The following USP34 variants were observed in gnomAD, a reference collection of about 807,000 sequenced individuals.
USP34 encodes the protein ubiquitin specific peptidase 34, also known as ubiquitin carboxyl-terminal hydrolase 34.
USP34 carries 70 observed loss-of-function variants against 460.3 expected under a neutral mutation model. The observed-to-expected ratio is 0.15, with a 90% CI of 0.13 to 0.19. The LOEUF is 0.19. Ranked by LOEUF, USP34 falls within the 10% of genes least tolerant of loss-of-function variation. USP34 has a pLI of 1.00. For missense variants in USP34, 3,985 were observed against 4,236.2 expected, an observed-to-expected ratio of 0.94 and a Z score of 1.65; for synonymous variants, 1,647 against 1,405.3, an observed-to-expected ratio of 1.17 and a Z score of -3.85.
chr2:61,455,524 A>T (rs1032776185), intron 1 of USP34, among the ~76,000 whole-genome samples: 1 of 152,112 alleles, frequency 6.6e-6, no homozygotes, highest in Non-Finnish European at 1.5e-5. Context: ...CTGTAATCCC[A>T]GGTAACATGA....
intron 41 of USP34, among the ~76,000 whole-genome samples, chr2:61,277,488 C>G (rs1338623231): frequency 6.6e-6 from 1 of 152,146 alleles, no homozygotes; most frequent in Non-Finnish European, 1.5e-5. Flanking sequence ...CCACCTACCT[C>G]AGCCACTCAA....
At chr2:61,231,038 T>C (rs13425459) in intron 58 of USP34, among the ~76,000 whole-genome samples, 25,888 of 152,126 alleles carry the variant, frequency 0.17, 2,837 homozygotes, top group African/African-American at 0.3. Flanking sequence ...GTGGACTATA[T>C]ACATTTGACA....
chr2:61,188,058 G>T lies in USP34; in HGVS notation c.*44C>A. 3 of 1,575,024 alleles carry T rather than the reference G, an allele frequency of 1.9e-6. No homozygotes were observed. The highest frequency in any genetic ancestry group is 2.2e-5 in the East Asian group (1 of 44,578). On this transcript the variant is annotated 3_prime_UTR_variant, in exon 80 of 80. Coordinates refer to ENST00000398571, the MANE Select transcript of USP34 (RefSeq NM_014709.4). ...GCAAAACTTATACAAACAGCATGGG[G>T]GTTGGGGGTGAGGGACTTAAAAGTA...
At position 61,199,064 on chromosome 2, in the gene USP34, T is replaced by C. The variant is rs548726832; in HGVS notation, c.9508+4076A>G. 3.3e-5 allele frequency among the ~76,000 whole-genome samples: 5 copies of C among 152,338 alleles called. No individual in the cohort carries two copies. In the South Asian group the frequency reaches 1.0e-3, roughly 32 times the overall value. On this transcript the variant is annotated intron_variant, in intron 75 of 79. Coordinates refer to ENST00000398571, the MANE Select transcript of USP34 (RefSeq NM_014709.4). ...TTAAGTATGCAAACATTTTCCCAAT[T>C]AGCTGTTTGTGTTTTAATTCAGTTT...
intron 48 of USP34, among the ~76,000 whole-genome samples, chr2:61,248,996 A>G (rs1331003248): frequency 6.6e-6 from 1 of 152,232 alleles, no homozygotes; most frequent in Non-Finnish European, 1.5e-5. Flanking sequence ...ACTGTTCACA[A>G]TTTCACAGAT....
Position 61,248,582 on chromosome 2 carries a change from G to T in USP34, c.6323C>A (p.Ser2108Tyr). The change falls in exon 49 of 80, where the codon TCC becomes TAC. Residue 2108 changes from serine to tyrosine, a missense_variant. Physicochemically the swap from Ser to Tyr is moderately radical, Grantham distance 144 (BLOSUM62 -2). Around this residue, in one of 14 missense-constraint regions of USP34, gnomAD observed 145 missense variants for 291.6 expected, o/e 0.50. Coordinates refer to ENST00000398571, the MANE Select transcript of USP34 (RefSeq NM_014709.4). ...CGTCATGTCCAAACGTAATGGGAAG[G>T]AAAAGTGTGTATTCACTTTCTCTTT... ...MMKEKVNTHF[S>Y]FPLRLDMTPY... 1 of 1,608,526 alleles carries T rather than the reference G, an allele frequency of 6.2e-7. No individual in the cohort carries two copies. Among genetic ancestry groups the T allele is most frequent in the Non-Finnish European group, 8.5e-7 (1 of 1,176,318 alleles).
chr2:61,324,643 T>G (rs1046724565), intron 21 of USP34, among the ~76,000 whole-genome samples: 1 of 151,908 alleles, frequency 6.6e-6, no homozygotes, highest in African/African-American at 2.4e-5. Flanking sequence ...GCTATGGTGG[T>G]GCATAGTCCC....
chr2:61,261,681 A>C (rs1428885782), intron 43 of USP34, among the ~76,000 whole-genome samples: 1 of 152,222 alleles, frequency 6.6e-6, no homozygotes, highest in Non-Finnish European at 1.5e-5. Flanking sequence ...CCACAATTAG[A>C]ATATATGTAG....
rs891957560 is a variant in USP34 at position 61,220,348 on chromosome 2, C to T, written c.8009G>A (p.Arg2670Gln). The T allele has an allele frequency of 5.6e-6, 9 of 1,613,582 alleles. No homozygotes were observed. Among genetic ancestry groups the T allele is most frequent in the East Asian group, 2.2e-5 (1 of 44,850 alleles). ...AGGATAATTGTGAGCCAAAAGAAAC[C>T]GCTCGACCCAGTTTTCCATATTCTG... ...VLQNMENWVERFLLAHNYPRV... is the reference protein window; with the variant it reads ...VLQNMENWVEQFLLAHNYPRV... The change falls in exon 67 of 80, where the codon CGG (arginine) becomes CAG (glutamine). Residue 2670 changes from arginine to glutamine, a missense_variant. Transcript: ENST00000398571.
chr2:61,210,413 A>C (rs760963097), intron 69 of USP34, among the ~76,000 whole-genome samples: 3 of 152,238 alleles, frequency 2.0e-5, no homozygotes, highest in Non-Finnish European at 4.4e-5. Flanking sequence ...AACATGCTAT[A>C]CAGATTTAGA....
intron 3 of USP34, among the ~76,000 whole-genome samples, chr2:61,404,884 C>T (rs1008635175): frequency 1.1e-4 from 16 of 152,024 alleles, no homozygotes; most frequent in African/African-American, 3.1e-4. Context: ...CTTAGAAATG[C>T]TTGCAAAAAC....
In USP34 at chr2:61,266,003, A is replaced by C; in HGVS notation, c.5598T>G (p.Val1866=). Residue 1866 remains valine, a synonymous_variant, in exon 42 of 80, where the codon GTT becomes GTG. Transcript: ENST00000398571. ...GCTTACACTGCATGTGTTGTGCCATAACCCAGTTGTGTATTAGCCTGTAGT... is the reference window on the plus strand; with the variant it reads ...GCTTACACTGCATGTGTTGTGCCATCACCCAGTTGTGTATTAGCCTGTAGT... ...VENYRLIHNW[V]MAQHMQSHAP... 1 of 1,609,126 alleles carries C rather than the reference A, an allele frequency of 6.2e-7. No individual in the cohort carries two copies.
chr2:61,307,920 G>A (rs1572920176), intron 27 of USP34, among the ~76,000 whole-genome samples: 1 of 152,038 alleles, frequency 6.6e-6, no homozygotes, highest in Non-Finnish European at 1.5e-5. Flanking sequence ...ATGATGGCCG[G>A]CACCTGTAGT....
chr2:61,379,248 G>A (rs1692900147), intron 7 of USP34, among the ~76,000 whole-genome samples: 1 of 152,200 alleles, frequency 6.6e-6, no homozygotes, highest in African/African-American at 2.4e-5. Context: ...GCCAGGTGGG[G>A]TGGCTCACGC....
At chr2:61,285,483 T>C (rs1261665917) in intron 34 of USP34, among the ~76,000 whole-genome samples, 1 of 74,798 alleles carries the variant, frequency 1.3e-5, no homozygotes, top group Non-Finnish European at 2.8e-5. Context: ...TGAGAATCTG[T>C]CTCAAAAAAA....
At position 61,420,774 on chromosome 2, in the gene USP34, A is replaced by T. The variant is rs867736028; in HGVS notation, c.103T>A (p.Phe35Ile). Residue 35 changes from phenylalanine to isoleucine, a missense_variant, in exon 2 of 80, where the codon TTT becomes ATT. Around this residue, in one of 14 missense-constraint regions of USP34, gnomAD observed 331 missense variants for 293.7 expected, o/e 1.13. Coordinates refer to ENST00000398571, the MANE Select transcript of USP34 (RefSeq NM_014709.4). Reference sequence around the variant, plus strand: ...TGTGTCCAGGAATTGATATAAGTAAATATTTTGAGAGTATGTTCCTTTCTG... The same window carrying T: ...TGTGTCCAGGAATTGATATAAGTAATTATTTTGAGAGTATGTTCCTTTCTG... ...QLRKEHTLKI[F>I]TYINSWTQRQ... 1 of 1,611,090 alleles carries T rather than the reference A, an allele frequency of 6.2e-7. No homozygotes were observed. Among genetic ancestry groups the T allele is most frequent in the Admixed American group, 1.7e-5 (1 of 59,700 alleles).
At chr2:61,239,056 C>G (rs1189660718) in intron 53 of USP34, among the ~76,000 whole-genome samples, 2 of 151,648 alleles carry the variant, frequency 1.3e-5, no homozygotes, top group Non-Finnish European at 2.9e-5. Flanking sequence ...CAGGGTACCA[C>G]GAACTACACC....
chr2:61,209,285 G>A (rs2103781417), intron 69 of USP34, among the ~76,000 whole-genome samples: 1 of 152,262 alleles, frequency 6.6e-6, no homozygotes, highest in South Asian at 2.1e-4. Flanking sequence ...TCTTCTGATT[G>A]TTAAATTCTG....
At chr2:61,348,908 T>A (rs566147504) in intron 13 of USP34, 22 bp from the exon 14 acceptor site, 2 of 1,585,482 alleles carry the variant, frequency 1.3e-6, no homozygotes, top group Non-Finnish European at 1.7e-6. Context: ...ACATTTTTTG[T>A]TTTTACTTCT....
Sources: allele counts gnomAD v4.1 joint callset (sites outside exome capture counted in the v4.1 genomes callset), GRCh38; gene constraint gnomAD v4.1.1; regional missense constraint gnomAD v4.1.1; transcripts MANE v1.5; gene names NCBI Gene and HGNC (gene_info 2026-07-23, HGNC 2026-07-21).